The following STXBP5L variants were observed in gnomAD, a reference collection of about 807,000 sequenced individuals.
STXBP5L encodes the protein syntaxin binding protein 5L.
STXBP5L carries 65 observed loss-of-function variants against 144.5 expected under a neutral mutation model. That is an observed-to-expected ratio of 0.45 (90% CI 0.37 to 0.55). The LOEUF (loss-of-function observed/expected upper bound fraction) is 0.55. STXBP5L is among the 20% of genes least tolerant of loss of function. The pLI is 0.00. For synonymous variants in STXBP5L, 505 were observed against 469.6 expected, an observed-to-expected ratio of 1.08 and a Z score of -0.97; for missense variants, 1,298 against 1,405.5, an observed-to-expected ratio of 0.92 and a Z score of 1.22.
intron 6 of STXBP5L, among the ~76,000 whole-genome samples, chr3:121,119,056 G>C (rs2044347911): frequency 6.6e-6 from 1 of 151,422 alleles, no homozygotes; most frequent in South Asian, 2.1e-4. Flanking sequence ...AGTATGTAGA[G>C]AAAAGTTAGC....
intron 20 of STXBP5L, among the ~76,000 whole-genome samples, chr3:121,343,726 T>C (rs902328380): frequency 5.3e-5 from 8 of 151,870 alleles, no homozygotes; most frequent in African/African-American, 7.3e-5. Context: ...GAACTACAAA[T>C]CACTGCTCAA....
At chr3:120,940,718 T>C (rs1022531289) in intron 2 of STXBP5L, among the ~76,000 whole-genome samples, 3 of 151,824 alleles carry the variant, frequency 2.0e-5, no homozygotes, top group Non-Finnish European at 2.9e-5. Context: ...GTGTTCTTTA[T>C]TGAATAATAA....
intron 9 of STXBP5L, among the ~76,000 whole-genome samples, chr3:121,162,565 CA>C (rs2046362045): frequency 6.6e-6 from 1 of 152,112 alleles, no homozygotes; most frequent in Non-Finnish European, 1.5e-5. Flanking sequence ...GCAAAATTGA[CA>C]AATGGGATCT....
intron 11 of STXBP5L, among the ~76,000 whole-genome samples, chr3:121,228,592 G>T (rs1044933379): frequency 8.5e-5 from 13 of 152,110 alleles, no homozygotes; most frequent in Non-Finnish European, 7.4e-5. Context: ...TTGAACCTTT[G>T]TTGGCTGGGT....
chr3:120,989,133 T>C (rs773305554), intron 3 of STXBP5L, among the ~76,000 whole-genome samples: 1 of 152,146 alleles, frequency 6.6e-6, no homozygotes, highest in Non-Finnish European at 1.5e-5. Flanking sequence ...AATGTATAAG[T>C]GCAGTTATCT....
chr3:121,379,980 G>A (rs983390204), intron 21 of STXBP5L, among the ~76,000 whole-genome samples: 3 of 152,070 alleles, frequency 2.0e-5, no homozygotes, highest in African/African-American at 7.2e-5. Flanking sequence ...AGGTACAGGT[G>A]CACACCACCA....
At position 121,381,476 on chromosome 3, in the gene STXBP5L, A is replaced by G. The variant is rs2046322513; in HGVS notation, c.2531A>G (p.Asn844Ser). 2 of 1,596,830 alleles carry G rather than the reference A, an allele frequency of 1.3e-6. No individual in the cohort carries two copies. Among genetic ancestry groups the G allele is most frequent in the Non-Finnish European group, 1.7e-6 (2 of 1,175,418 alleles). Residue 844 changes from asparagine (N) to serine (S), a missense_variant, in exon 22 of 27, where the codon AAC (asparagine) becomes AGC (serine). By Grantham distance (46) the Asn-to-Ser change is conservative. Transcript: ENST00000471454. ...GGAATGGTGTTAATCATCTCCTTAA[A>G]CCTACCATTAGCAGATGAACAAAGG... ...SLGMVLIISL[N>S]LPLADEQRFT...
chr3:121,255,294 A>T (rs1193183357), intron 16 of STXBP5L, among the ~76,000 whole-genome samples, 182 bp downstream of exon 16: 1 of 152,114 alleles, frequency 6.6e-6, no homozygotes, highest in Non-Finnish European at 1.5e-5. Flanking sequence ...GATTTGGCCT[A>T]AAAGGCCAAA....
intron 22 of STXBP5L, among the ~76,000 whole-genome samples, chr3:121,385,312 C>T (rs560826115): frequency 5.5e-4 from 83 of 152,148 alleles, no homozygotes; most frequent in Middle Eastern, 3.4e-3. Context: ...GGAACAGGCA[C>T]ATTACATGGC....
chr3:120,997,683 G>A (rs1943458502), intron 3 of STXBP5L, among the ~76,000 whole-genome samples: 1 of 151,966 alleles, frequency 6.6e-6, no homozygotes, highest in Non-Finnish European at 1.5e-5. Flanking sequence ...TTAGACCTTT[G>A]TCAGATGCAT....
chr3:121,054,980 A>G (rs1948345281), intron 5 of STXBP5L, among the ~76,000 whole-genome samples: 1 of 152,006 alleles, frequency 6.6e-6, no homozygotes, highest in Non-Finnish European at 1.5e-5. Flanking sequence ...TTTTGGGAGG[A>G]AGAATTGATT....
At chr3:121,392,484 C>T (rs1016039978) in intron 22 of STXBP5L, among the ~76,000 whole-genome samples, 2 of 152,224 alleles carry the variant, frequency 1.3e-5, no homozygotes, top group South Asian at 2.1e-4. Flanking sequence ...TCTTCTGCAT[C>T]GATTACACTG....
chr3:121,005,823 C>G (rs1054386223), intron 3 of STXBP5L, among the ~76,000 whole-genome samples: 1 of 152,186 alleles, frequency 6.6e-6, no homozygotes, highest in African/African-American at 2.4e-5. Context: ...AGTAGTCATT[C>G]AGGAGCAGGT....
intron 5 of STXBP5L, among the ~76,000 whole-genome samples, chr3:121,097,249 T>TG (rs2043176653): frequency 6.6e-6 from 1 of 152,054 alleles, no homozygotes. Context: ...TTCAAGCCAG[T>TG]GGGGGTGGGA....
chr3:121,349,468 T>G (rs1295346654), intron 20 of STXBP5L, among the ~76,000 whole-genome samples: 1 of 152,102 alleles, frequency 6.6e-6, no homozygotes, highest in Non-Finnish European at 1.5e-5. Flanking sequence ...TAGATGTCTA[T>G]TAGGTCTGCT....
intron 9 of STXBP5L, among the ~76,000 whole-genome samples, chr3:121,192,923 A>G (rs556631597): frequency 1.6e-4 from 24 of 152,236 alleles, no homozygotes; most frequent in African/African-American, 5.1e-4. Flanking sequence ...CAAGGACTTC[A>G]TAACTAAAAC....
chr3:121,153,598 C>T (rs907593313), intron 8 of STXBP5L, among the ~76,000 whole-genome samples: 2 of 151,924 alleles, frequency 1.3e-5, no homozygotes, highest in African/African-American at 4.8e-5. Context: ...GAATACTTTA[C>T]ATGTTCTCTC....
chr3:121,076,405 C>A (rs2042020129), intron 5 of STXBP5L, among the ~76,000 whole-genome samples: 1 of 152,100 alleles, frequency 6.6e-6, no homozygotes, highest in Admixed American at 6.5e-5. Context: ...TTTTTTTCTG[C>A]TTTTTCTATG....
intron 10 of STXBP5L, among the ~76,000 whole-genome samples, chr3:121,222,268 T>C (rs889930419): frequency 1.3e-5 from 2 of 152,124 alleles, no homozygotes; most frequent in Non-Finnish European, 2.9e-5. Flanking sequence ...AATTTTCAGA[T>C]AGCTATAATG....
Sources: allele counts gnomAD v4.1 joint callset (sites outside exome capture counted in the v4.1 genomes callset), GRCh38; gene constraint gnomAD v4.1.1; transcripts MANE v1.5; gene names NCBI Gene and HGNC (gene_info 2026-07-23, HGNC 2026-07-21).